ZC3HC1: variants seen among roughly 807,000 people sequenced by gnomAD.
The protein encoded by ZC3HC1 is zinc finger C3HC-type protein 1.
In ZC3HC1, 38 loss-of-function variants were observed where a neutral mutation model predicts 61.9. The observed-to-expected ratio is 0.61, with a 90% CI of 0.47 to 0.81. The LOEUF is 0.81. ZC3HC1 is among the 30% of genes least tolerant of loss of function. The pLI is 0.00. For synonymous variants in ZC3HC1, 213 were observed against 229.9 expected, an observed-to-expected ratio of 0.93 and a Z score of 0.67; for missense variants, 554 against 622.7, an observed-to-expected ratio of 0.89 and a Z score of 1.17.
chr7:130,022,435 C>T lies in ZC3HC1; in HGVS notation c.1324G>A (p.Glu442Lys), dbSNP rs1793689604. 1 of 1,611,986 alleles carries T rather than the reference C, an allele frequency of 6.2e-7. No individual in the cohort carries two copies. ...VNITLGKESR[E>K]NGGTEPDASA... The stretch of plus-strand genomic sequence containing the variant: ...GCATCTGGTTCAGTTCCACCATTCT[C>T]CCTGCTTTCTTTGCCAAGTGTGATA... The change falls in exon 9 of 10, where the codon GAG becomes AAG. Residue 442 changes from glutamate to lysine, a missense_variant. Glu to Lys is a moderately conservative substitution (Grantham distance 56, BLOSUM62 1). Coordinates refer to ENST00000358303, the MANE Select transcript of ZC3HC1 (RefSeq NM_016478.5).
At chr7:130,046,768 T>A (rs9641864) in intron 2 of ZC3HC1, among the ~76,000 whole-genome samples, 86,873 of 152,036 alleles carry the variant, frequency 0.57, 27,471 homozygotes, top group East Asian at 0.99. Context: ...ATGTGCTTAC[T>A]TTTTCATTTG....
In ZC3HC1 at chr7:130,022,381, C is replaced by T; in HGVS notation, c.1378G>A (p.Ala460Thr). Residue 460 changes from alanine (A) to threonine (T), a missense_variant, in exon 9 of 10, where the codon GCA becomes ACA. Ala to Thr is a moderately conservative substitution (Grantham distance 58). Transcript: ENST00000358303. ...ASAPAEPGWK[A>T]VLTILLAHKQ... ...TGCGCCAAGAGGATGGTCAGCACTG[C>T]TTTCCAGCCTGGCTCTGCTGGGGCG... 6.2e-7 allele frequency: 1 copy of T among 1,613,868 alleles called. No individual in the cohort carries two copies. The highest frequency in any genetic ancestry group is 8.5e-7 in the Non-Finnish European group (1 of 1,179,910).
intron 9 of ZC3HC1, among the ~76,000 whole-genome samples, chr7:130,019,384 C>T (rs1295459918): frequency 1.3e-5 from 2 of 152,086 alleles, no homozygotes; most frequent in Admixed American, 6.6e-5. Context: ...TGAATTGGCC[C>T]TAGTTCATTA....
chr7:130,035,990 G>C (rs1430263907), intron 4 of ZC3HC1, among the ~76,000 whole-genome samples: 2 of 152,200 alleles, frequency 1.3e-5, no homozygotes, highest in South Asian at 2.1e-4. Context: ...GGGTGATTTG[G>C]AAGGAAGGAG....
Position 130,026,320 on chromosome 7 carries a change from G to A in ZC3HC1, c.622-8C>T. On this transcript the variant is annotated splice_region_variant and splice_polypyrimidine_tract_variant and intron_variant, in intron 5 of 9. Transcript: ENST00000358303. Reference sequence around the variant, plus strand: ...CTTGTCTTCTGTCAAGCACTACAAGGGAGCCAAGTAAAAAACTTCGTTTCA... The same window carrying A: ...CTTGTCTTCTGTCAAGCACTACAAGAGAGCCAAGTAAAAAACTTCGTTTCA... 6.3e-7 allele frequency: 1 copy of A among 1,595,774 alleles called. No individual in the cohort carries two copies. The highest frequency in any genetic ancestry group is 1.1e-5 in the South Asian group (1 of 89,716).
intron 9 of ZC3HC1, 83 bp downstream of exon 9, chr7:130,022,236 G>A: frequency 1.3e-6 from 2 of 1,540,472 alleles, no homozygotes; most frequent in Non-Finnish European, 8.9e-7. Context: ...AGGCAGGCGG[G>A]GTGCTAATTA....
At position 130,025,783 on chromosome 7, in the gene ZC3HC1, C is replaced by T. The variant is rs544463636; in HGVS notation, c.776+375G>A. On this transcript the variant is annotated intron_variant, in intron 6 of 9. Coordinates refer to ENST00000358303, the MANE Select transcript of ZC3HC1 (RefSeq NM_016478.5). Reference sequence around the variant, plus strand: ...TCGGGAGGCTGAGACAGGAGAATGGCGTGAACCCGGGAGGCGGAGCTTGCA... The same window carrying T: ...TCGGGAGGCTGAGACAGGAGAATGGTGTGAACCCGGGAGGCGGAGCTTGCA... Among the ~76,000 whole-genome samples the T allele has an allele frequency of 6.6e-3, 908 of 138,072 alleles. 5 individuals are homozygous for T. Among genetic ancestry groups the T allele is most frequent in the Middle Eastern group, 0.012 (3 of 252 alleles). The allele number at this position is 138,072 out of a possible 152,430, so 90.6% of individuals were successfully genotyped here.
In ZC3HC1 at chr7:130,024,423, A is replaced by G. The variant is rs1006137653; in HGVS notation, c.860T>C (p.Ile287Thr). 5 of 1,614,152 alleles carry G rather than the reference A, an allele frequency of 3.1e-6. No homozygotes were observed. The highest frequency in any genetic ancestry group is 3.4e-6 in the Non-Finnish European group (4 of 1,180,028). Reference sequence around the variant, plus strand: ...ATCCAGGTCAGTCATGGACGATTCAATCTGCTGGAAGCCCCAGAGCCCCAC... The same window carrying G: ...ATCCAGGTCAGTCATGGACGATTCAGTCTGCTGGAAGCCCCAGAGCCCCAC... ...RKVGLWGFQQIESSMTDLDAS... is the reference protein window; with the variant it reads ...RKVGLWGFQQTESSMTDLDAS... Residue 287 changes from isoleucine to threonine, a missense_variant, in exon 7 of 10, where the codon ATT becomes ACT. Coordinates refer to ENST00000358303, the MANE Select transcript of ZC3HC1 (RefSeq NM_016478.5).
chr7:130,024,418 A>T lies in ZC3HC1; in HGVS notation c.865T>A (p.Ser289Thr), dbSNP rs1215993281. 1.9e-6 allele frequency: 3 copies of T among 1,614,144 alleles called. No homozygotes were observed. Among genetic ancestry groups the T allele is most frequent in the East Asian group, 4.5e-5 (2 of 44,886 alleles). Residue 289 changes from serine (S) to threonine (T), a missense_variant, in exon 7 of 10, where the codon TCG (serine) becomes ACG (threonine). By Grantham distance (58) the Ser-to-Thr change is moderately conservative (BLOSUM62 1). Coordinates refer to ENST00000358303, the MANE Select transcript of ZC3HC1 (RefSeq NM_016478.5). ...GATGCATCCAGGTCAGTCATGGACG[A>T]TTCAATCTGCTGGAAGCCCCAGAGC... Reference protein sequence around the residue: ...VGLWGFQQIESSMTDLDASFG... With the variant: ...VGLWGFQQIETSMTDLDASFG...
At chr7:130,032,821 G>C (rs1440025780) in intron 4 of ZC3HC1, among the ~76,000 whole-genome samples, 1 of 143,738 alleles carries the variant, frequency 7.0e-6, no homozygotes, top group Non-Finnish European at 1.5e-5. Flanking sequence ...AAAGAAAGAA[G>C]GGAAGGAAGG....
intron 4 of ZC3HC1, among the ~76,000 whole-genome samples, chr7:130,038,859 C>CAAAA (rs368582060): frequency 5.8e-5 from 5 of 86,524 alleles, no homozygotes; most frequent in African/African-American, 9.8e-5. Context: ...GGCTCTGTCT[C>CAAAA]AAAAAAAAAA....
At chr7:130,021,157 T>C (rs1396978270) in intron 9 of ZC3HC1, among the ~76,000 whole-genome samples, 3 of 151,886 alleles carry the variant, frequency 2.0e-5, no homozygotes, top group Admixed American at 2.0e-4. Context: ...CCATTCGCCT[T>C]GGCCTCCCAA....
chr7:130,051,319 C>A lies in ZC3HC1; in HGVS notation c.48G>T (p.Lys16Asn). Residue 16 changes from lysine to asparagine, a missense_variant, in exon 1 of 10, where the codon AAG becomes AAT. Transcript: ENST00000358303. The part of the protein sequence containing the change: ...EGQAFAVGVE[K>N]NWGAVVRSPE... ...GGGAGCGAACTACTGCACCCCAATTCTTTTCAACCCCTACGGCAAACGCTT... is the reference window on the plus strand; with the variant it reads ...GGGAGCGAACTACTGCACCCCAATTATTTTCAACCCCTACGGCAAACGCTT... The A allele has an allele frequency of 6.2e-7, 1 of 1,613,396 alleles. No homozygotes were observed. The highest frequency in any genetic ancestry group is 2.2e-5 in the East Asian group (1 of 44,838).
chr7:130,050,394 T>C (rs1380908287), intron 1 of ZC3HC1: 1 of 1,531,692 alleles, frequency 6.5e-7, no homozygotes, highest in Non-Finnish European at 8.7e-7. Flanking sequence ...ATTATTTTAA[T>C]AAAAATAGGA....
intron 4 of ZC3HC1, among the ~76,000 whole-genome samples, chr7:130,030,885 G>T (rs1364164275): frequency 2.7e-5 from 4 of 148,636 alleles, no homozygotes; most frequent in Non-Finnish European, 6.0e-5. Context: ...AGCCAGGATG[G>T]TCTCGATCTC....
chr7:130,042,080 A>C (rs1273356404), intron 2 of ZC3HC1, among the ~76,000 whole-genome samples: 1 of 151,964 alleles, frequency 6.6e-6, no homozygotes, highest in Non-Finnish European at 1.5e-5. Context: ...AAGCGGGAGG[A>C]TCACTTGAGC....
intron 1 of ZC3HC1, among the ~76,000 whole-genome samples, chr7:130,050,072 G>A (rs559137082): frequency 6.6e-6 from 1 of 151,988 alleles, no homozygotes; most frequent in African/African-American, 2.4e-5. Flanking sequence ...ATTGCTGAAA[G>A]ACAAGCATTT....
At chr7:130,031,947 C>T (rs142497044) in intron 4 of ZC3HC1, among the ~76,000 whole-genome samples, 3 of 152,260 alleles carry the variant, frequency 2.0e-5, no homozygotes, top group South Asian at 2.1e-4. Flanking sequence ...ATTTTGAGGC[C>T]GGGCACAGTG....
At chr7:130,019,039 T>C (rs1266588597) in intron 9 of ZC3HC1, among the ~76,000 whole-genome samples, 1 of 150,954 alleles carries the variant, frequency 6.6e-6, no homozygotes, top group African/African-American at 2.4e-5. Context: ...CAGCACATGT[T>C]TTGCACTGGT....
Sources: gnomAD v4.1 joint callset for allele counts (sites outside exome capture counted in the v4.1 genomes callset) on GRCh38, gnomAD v4.1.1 for gene constraint, MANE v1.5 for transcripts, NCBI Gene and HGNC (gene_info 2026-07-23, HGNC 2026-07-21) for gene names.